USP19: variants seen among roughly 807,000 people sequenced by gnomAD.
USP19 encodes the protein ubiquitin specific peptidase 19, also known as ubiquitin carboxyl-terminal hydrolase 19.
A neutral mutation model predicts 144.8 loss-of-function variants in USP19; 40 were observed. That is an observed-to-expected ratio of 0.28 (90% CI 0.21 to 0.36). The LOEUF (loss-of-function observed/expected upper bound fraction) is 0.36, where lower values mean the gene tolerates loss of function less well. Among genes scored for constraint, USP19 ranks in the 10% least tolerant of loss-of-function variants. The pLI is 1.00. For synonymous variants in USP19, 701 were observed against 709.3 expected, an observed-to-expected ratio of 0.99 and a Z score of 0.19; for missense variants, 1,518 against 1,822.5, an observed-to-expected ratio of 0.83 and a Z score of 3.04.
rs2042710180 is a variant in USP19 at position 49,108,904 on chromosome 3, C to G, written c.4039-376G>C. 1 of 1,553,650 alleles carries G rather than the reference C, an allele frequency of 6.4e-7. No homozygotes were observed. The highest frequency in any genetic ancestry group is 1.9e-5 in the Admixed American group (1 of 52,326). On this transcript the variant is annotated intron_variant, in intron 26 of 26. Transcript: ENST00000417901. The surrounding 1 kb of genome is among the most constrained non-coding windows in gnomAD (Gnocchi z 4.8). ...AGGTGTTCCCCACAACAAAGGCAGG[C>G]ATGGCCTGGGGCAGGCAGGTAGGCC...
Position 49,115,325 on chromosome 3 carries a change from G to A in USP19, c.1925C>T (p.Pro642Leu), listed in dbSNP as rs2107459795. The A allele has an allele frequency of 1.2e-6, 2 of 1,614,196 alleles. No individual in the cohort carries two copies. The highest frequency in any genetic ancestry group is 1.7e-5 in the Admixed American group (1 of 60,032). The change falls in exon 13 of 27, where the codon CCA becomes CTA. Residue 642 changes from proline (P) to leucine (L), a missense_variant. By Grantham distance (98) the Pro-to-Leu change is moderately conservative. Around this residue, in one of 5 missense-constraint regions of USP19, gnomAD observed 158 missense variants for 277.3 expected, o/e 0.57. Transcript: ENST00000417901. The surrounding 1 kb of genome is among the most constrained non-coding windows in gnomAD (Gnocchi z 6.6). ...GGCCAGACGCCCACCAGTCCCTAGT[G>A]GGTTGTTGTAGTTGATCTCAGCCTC... ...SFEAEINYNN[P>L]LGTGGRLAIG...
In USP19 at chr3:49,115,470, G is replaced by C; in HGVS notation, c.1862C>G (p.Thr621Ser). ...MNSVIQSLSN[T>S]RELRDFFHDR... ...ATGGAAGAAGTCCCGGAGTTCCCGAGTGTTGGACAGAGACTGAATGACGCT... is the reference window on the plus strand; with the variant it reads ...ATGGAAGAAGTCCCGGAGTTCCCGACTGTTGGACAGAGACTGAATGACGCT... The change falls in exon 12 of 27, where the codon ACT becomes AGT. Residue 621 changes from threonine (T) to serine (S), a missense_variant. Physicochemically the swap from Thr to Ser is moderately conservative, Grantham distance 58 (BLOSUM62 1). Transcript: ENST00000417901. The surrounding 1 kb of genome is among the most constrained non-coding windows in gnomAD (Gnocchi z 6.6). 1 of 1,614,224 alleles carries C rather than the reference G, an allele frequency of 6.2e-7. No homozygotes were observed. Among genetic ancestry groups the C allele is most frequent in the Non-Finnish European group, 8.5e-7 (1 of 1,180,020 alleles).
At chr3:49,118,263 C>CT (rs769402812) in intron 2 of USP19, 143 bp from the exon 3 acceptor site, 68 of 348,642 alleles carry the variant, frequency 2.0e-4, no homozygotes, top group Non-Finnish European at 3.1e-4. Context: ...GAGACCCTGC[C>CT]TTTAAAAAAA....
At chr3:49,109,645 G>A (rs755348277) in intron 26 of USP19, among the ~76,000 whole-genome samples, 3 of 152,240 alleles carry the variant, frequency 2.0e-5, no homozygotes, top group Non-Finnish European at 2.9e-5. Flanking sequence ...GGCCAGTCCA[G>A]AAAAGAGATG....
rs369584154 is a variant in USP19 at position 49,114,970 on chromosome 3, G to A, written c.2170C>T (p.Arg724Trp). Residue 724 changes from arginine to tryptophan, a missense_variant, in exon 14 of 27, where the codon CGG (arginine) becomes TGG (tryptophan). Transcript: ENST00000417901. This position sits in a 1 kb window ranked among gnomAD's most constrained non-coding sequence, Gnocchi z 4.5. ...TCCCTAACCCTGACCTCATCGGGCC[G>A]CCCATCTGAATCCACGGTCTCTGTG... The part of the protein sequence containing the change: ...PYTETVDSDG[R>W]PDEVVAEEAW... The A allele has an allele frequency of 2.7e-5, 44 of 1,613,996 alleles. No homozygotes were observed. The highest frequency in any genetic ancestry group is 3.3e-5 in the Non-Finnish European group (39 of 1,180,036).
intron 26 of USP19, among the ~76,000 whole-genome samples, chr3:49,109,673 T>C (rs561108111): frequency 6.6e-6 from 1 of 152,328 alleles, no homozygotes; most frequent in East Asian, 1.9e-4. Context: ...GCCCACTAAC[T>C]GGGCCTATGG....
chr3:49,108,080 T>C lies in USP19; in HGVS notation c.*332A>G, dbSNP rs935342133. On this transcript the variant is annotated 3_prime_UTR_variant, in exon 27 of 27. Transcript: ENST00000417901. The surrounding 1 kb of genome is among the most constrained non-coding windows in gnomAD (Gnocchi z 4.8). ...TTACTTATTATTTATTTTTAAAATATATTTAAACAGCAGCAGTCACTTCCA... is the reference window on the plus strand; with the variant it reads ...TTACTTATTATTTATTTTTAAAATACATTTAAACAGCAGCAGTCACTTCCA... 1 of 152,640 alleles carries C rather than the reference T, an allele frequency of 6.6e-6. No individual in the cohort carries two copies. The highest frequency in any genetic ancestry group is 2.4e-5 in the African/African-American group (1 of 41,434). 9.5% of individuals were successfully genotyped at this position (152,640 alleles called of 1,614,324 possible).
In USP19 at chr3:49,118,075, G is replaced by T. The variant is rs1423688977; in HGVS notation, c.170C>A (p.Ala57Asp). The change falls in exon 3 of 27, where the codon GCC becomes GAC. Residue 57 changes from alanine (A) to aspartate (D), a missense_variant. Coordinates refer to ENST00000417901, the MANE Select transcript of USP19 (RefSeq NM_001199161.2). ...YVAQAGLEPL[A>D]SGDPSASASH... ...GGCTGAGGCAGAAGGATCACCTGAG[G>T]CCAGAGGTTCAAGACCAGCCTGGGC... 2 of 1,567,370 alleles carry T rather than the reference G, an allele frequency of 1.3e-6. No individual in the cohort carries two copies. Among genetic ancestry groups the T allele is most frequent in the Non-Finnish European group, 8.6e-7 (1 of 1,156,130 alleles).
rs746033047 is a variant in USP19 at position 49,110,604 on chromosome 3, C to G, written c.3699G>C (p.Arg1233Ser). ...TGCAGAACTTGCTCAGGTCCAGGTTCCTGCAGGTCAGGTCCAGTCAGGGAG... is the reference window on the plus strand; with the variant it reads ...TGCAGAACTTGCTCAGGTCCAGGTTGCTGCAGGTCAGGTCCAGTCAGGGAG... ...KINDLVEFPV[R>S]NLDLSKFCIG... The change falls in exon 25 of 27, where the codon AGG becomes AGC. Residue 1233 changes from arginine (R) to serine (S), a missense_variant and splice_region_variant. By Grantham distance (110) the Arg-to-Ser change is moderately radical (BLOSUM62 -1). Transcript: ENST00000417901. This position sits in a 1 kb window ranked among gnomAD's most constrained non-coding sequence, Gnocchi z 6.1. 1.1e-5 allele frequency: 18 copies of G among 1,613,706 alleles called. 1 individual carries two copies. In the South Asian group the frequency reaches 2.0e-4, roughly 18 times the overall value.
chr3:49,116,998 C>A lies in USP19; in HGVS notation c.910-55G>T. 1 of 1,568,322 alleles carries A rather than the reference C, an allele frequency of 6.4e-7. No homozygotes were observed. Among genetic ancestry groups the A allele is most frequent in the Non-Finnish European group, 8.7e-7 (1 of 1,155,076 alleles). ...AGCCCTGGGTCTGCCAGGTGGCTCC[C>A]ACTCCAGTGCACACCCTTTCCCCCC... is the stretch of plus-strand genomic sequence containing the variant. On this transcript the variant is annotated intron_variant, in intron 6 of 26. Transcript: ENST00000417901. This position sits in a 1 kb window ranked among gnomAD's most constrained non-coding sequence, Gnocchi z 5.0.
In USP19 at chr3:49,111,120, G is replaced by A. The variant is rs2043083199; in HGVS notation, c.3375C>T (p.Val1125=). 1.2e-6 allele frequency: 2 copies of A among 1,613,754 alleles called. No individual in the cohort carries two copies. Among genetic ancestry groups the A allele is most frequent in the African/African-American group, 2.7e-5 (2 of 74,924 alleles). The change falls in exon 23 of 27, where the codon GTC becomes GTT. Residue 1125 remains valine, a synonymous_variant. Transcript: ENST00000417901. The surrounding 1 kb of genome is among the most constrained non-coding windows in gnomAD (Gnocchi z 5.9). ...ELGDDCSLAL[V]WRNNERLQEF... ...CCTGCAAGCGCTCATTGTTCCGCCA[G>A]ACGAGAGCCAGGCTACAGTCGTCAC...
chr3:49,111,084 C>A lies in USP19; in HGVS notation c.3411G>T (p.Leu1137Phe), dbSNP rs1380928236. The A allele has an allele frequency of 6.2e-7, 1 of 1,613,988 alleles. No individual in the cohort carries two copies. The highest frequency in any genetic ancestry group is 2.2e-5 in the East Asian group (1 of 44,884). ...RNNERLQEFV[L>F]VASKELECAE... ...CACATTCCAGCTCCTTGGAGGCTAC[C>A]AACACAAACTCCTGCAAGCGCTCAT... is the stretch of plus-strand genomic sequence containing the variant. The change falls in exon 23 of 27, where the codon TTG (leucine) becomes TTT (phenylalanine). Residue 1137 changes from leucine (L) to phenylalanine (F), a missense_variant. This residue lies in a region of USP19 where 413 missense variants were observed against 515.8 expected (regional missense o/e 0.80). Transcript: ENST00000417901. This position sits in a 1 kb window ranked among gnomAD's most constrained non-coding sequence, Gnocchi z 5.9.
rs1194644475 is a variant in USP19 at position 49,117,776 on chromosome 3, A to G, written c.353T>C (p.Leu118Pro). ...LLATPTPELL[L>P]DWRQSAEEVI... ...CTCTTCTGCACTCTGCCTCCAATCG[A>G]GCAACAACTCTGGAGTGGGAGTAGC... Residue 118 changes from leucine to proline, a missense_variant, in exon 4 of 27, where the codon CTC becomes CCC. Leu to Pro is a moderately conservative substitution (Grantham distance 98). Coordinates refer to ENST00000417901, the MANE Select transcript of USP19 (RefSeq NM_001199161.2). The surrounding 1 kb of genome is among the most constrained non-coding windows in gnomAD (Gnocchi z 4.4). 2 of 1,614,122 alleles carry G rather than the reference A, an allele frequency of 1.2e-6. No individual in the cohort carries two copies. Among genetic ancestry groups the G allele is most frequent in the Non-Finnish European group, 1.7e-6 (2 of 1,180,026 alleles).
chr3:49,110,715 C>T lies in USP19; in HGVS notation c.3694G>A (p.Val1232Ile), dbSNP rs1370562462. 3.7e-6 allele frequency: 6 copies of T among 1,613,936 alleles called. No homozygotes were observed. The highest frequency in any genetic ancestry group is 1.1e-5 in the South Asian group (1 of 91,072). Residue 1232 changes from valine to isoleucine, a missense_variant, in exon 24 of 27, where the codon GTT becomes ATT. Around this residue, in one of 5 missense-constraint regions of USP19, gnomAD observed 122 missense variants for 200.4 expected, o/e 0.61. Coordinates refer to ENST00000417901, the MANE Select transcript of USP19 (RefSeq NM_001199161.2). The surrounding 1 kb of genome is among the most constrained non-coding windows in gnomAD (Gnocchi z 6.1). Reference sequence around the variant, plus strand: ...TTACCAAGGTCCACTGCTTACCTAACAGGGAACTCCACCAAGTCATTGATC... The same window carrying T: ...TTACCAAGGTCCACTGCTTACCTAATAGGGAACTCCACCAAGTCATTGATC... ...DKINDLVEFP[V>I]RNLDLSKFCI...
rs2044220881 is a variant in USP19 at position 49,116,793 on chromosome 3, G to A, written c.1060C>T (p.Pro354Ser). ...TCCTTGGCACAGTCATCTTTCCCAG[G>A]GTTTCTGCTCCGGACCATGGCTGGA... The part of the protein sequence containing the change: ...VSPAMVRSRN[P>S]GKDDCAKEEM... Residue 354 changes from proline to serine, a missense_variant, in exon 7 of 27, where the codon CCT (proline) becomes TCT (serine). By Grantham distance (74) the Pro-to-Ser change is moderately conservative. Transcript: ENST00000417901. The surrounding 1 kb of genome is among the most constrained non-coding windows in gnomAD (Gnocchi z 5.0). The A allele has an allele frequency of 6.2e-7, 1 of 1,613,992 alleles. No individual in the cohort carries two copies. The highest frequency in any genetic ancestry group is 8.5e-7 in the Non-Finnish European group (1 of 1,180,010).
rs752353942 is a variant in USP19 at position 49,114,039 on chromosome 3, G to A, written c.2458C>T (p.Leu820Phe). Residue 820 changes from leucine to phenylalanine, a missense_variant, in exon 17 of 27, where the codon CTC becomes TTC. Coordinates refer to ENST00000417901, the MANE Select transcript of USP19 (RefSeq NM_001199161.2). The surrounding 1 kb of genome is among the most constrained non-coding windows in gnomAD (Gnocchi z 4.5). ...GGCTTCACATGAACACTCTGAGAGA[G>A]GGAGTCCAATACTTCGCTCGCAGTG... is the stretch of plus-strand genomic sequence containing the variant. Reference protein sequence around the residue: ...NSTASEVLDSLSQSVHVKPEN... With the variant: ...NSTASEVLDSFSQSVHVKPEN... The A allele has an allele frequency of 6.8e-6, 11 of 1,614,124 alleles. No individual in the cohort carries two copies. Among genetic ancestry groups the A allele is most frequent in the South Asian group, 5.5e-5 (5 of 91,088 alleles).
In USP19 at chr3:49,114,117, G is replaced by A. The variant is rs2043674891; in HGVS notation, c.2404-24C>T. ...AACTGTGGCAAAAAGGGCAGTCAGT[G>A]AGGGAGGTGGGCCACGTTCTCTAGA... On this transcript the variant is annotated intron_variant, in intron 16 of 26. Coordinates refer to ENST00000417901, the MANE Select transcript of USP19 (RefSeq NM_001199161.2). The surrounding 1 kb of genome is among the most constrained non-coding windows in gnomAD (Gnocchi z 4.5). 6.2e-7 allele frequency: 1 copy of A among 1,614,082 alleles called. No homozygotes were observed. Among genetic ancestry groups the A allele is most frequent in the African/African-American group, 1.3e-5 (1 of 74,946 alleles).
Position 49,111,522 on chromosome 3 carries a change from G to C in USP19, c.3195C>G (p.Gly1065=), listed in dbSNP as rs61760207. Residue 1065 remains glycine, a synonymous_variant, in exon 21 of 27, where the codon GGC becomes GGG. Transcript: ENST00000417901. This position sits in a 1 kb window ranked among gnomAD's most constrained non-coding sequence, Gnocchi z 5.9. The part of the protein sequence containing the change: ...GPIEVGSLPA[G]ERVSRPEAAV... The stretch of plus-strand genomic sequence containing the variant: ...TACCTTCGGGTCGGGACACCCTCTC[G>C]CCAGCTGGCAAGGAGCCAACCTCAA... 1.9e-6 allele frequency: 3 copies of C among 1,611,446 alleles called. No homozygotes were observed. The highest frequency in any genetic ancestry group is 2.5e-6 in the Non-Finnish European group (3 of 1,179,940).
chr3:49,115,300 G>A lies in USP19; in HGVS notation c.1950C>T (p.Ala650=), dbSNP rs777593022. ...NNPLGTGGRL[A]IGFAVLLRAL... Reference sequence around the variant, plus strand: ...CCCGAAGCAGCACGGCAAAGCCAATGGCCAGACGCCCACCAGTCCCTAGTG... The same window carrying A: ...CCCGAAGCAGCACGGCAAAGCCAATAGCCAGACGCCCACCAGTCCCTAGTG... The change falls in exon 13 of 27, where the codon GCC becomes GCT. Residue 650 remains alanine, a synonymous_variant. Coordinates refer to ENST00000417901, the MANE Select transcript of USP19 (RefSeq NM_001199161.2). This position sits in a 1 kb window ranked among gnomAD's most constrained non-coding sequence, Gnocchi z 6.6. 1.1e-5 allele frequency: 18 copies of A among 1,614,160 alleles called. No homozygotes were observed. Among genetic ancestry groups the A allele is most frequent in the Non-Finnish European group, 1.5e-5 (18 of 1,180,042 alleles).
Sources: allele counts gnomAD v4.1 joint callset (sites outside exome capture counted in the v4.1 genomes callset), GRCh38; gene constraint gnomAD v4.1.1; regional missense constraint gnomAD v4.1.1; non-coding constraint Gnocchi (gnomAD v3.1); transcripts MANE v1.5; gene names NCBI Gene and HGNC (gene_info 2026-07-23, HGNC 2026-07-21).